Variants in FSCN2 observed in about 807,000 individuals in gnomAD.
FSCN2 encodes the protein fascin-2.
FSCN2 carries 46 observed loss-of-function variants against 37.8 expected under a neutral mutation model. That is an observed-to-expected ratio of 1.22 (90% CI 0.96 to 1.56). The LOEUF (loss-of-function observed/expected upper bound fraction) is 1.56. FSCN2 is among the 40% of genes most tolerant of loss of function. FSCN2 has a pLI of 0.00. For synonymous variants in FSCN2, 351 were observed against 309.4 expected (o/e 1.13, Z -1.41); for missense variants, 844 against 730.4 (o/e 1.16, Z -1.79).
intron 3 of FSCN2, 113 bp downstream of exon 3, chr17:81,536,380 G>A (rs973481508): frequency 8.2e-6 from 12 of 1,462,234 alleles, no homozygotes; most frequent in Middle Eastern, 2.1e-4. Context: ...CCCACGGAAC[G>A]GGTGCTGTCA....
At chr17:81,533,835 C>A (rs2032771807) in intron 1 of FSCN2, among the ~76,000 whole-genome samples, 1 of 152,164 alleles carries the variant, frequency 6.6e-6, no homozygotes, top group Admixed American at 6.5e-5. Flanking sequence ...ACTCTGGGGA[C>A]ACCAAAGTGC....
At chr17:81,535,736 C>A (rs1454729013) in intron 2 of FSCN2, among the ~76,000 whole-genome samples, 1 of 107,446 alleles carries the variant, frequency 9.3e-6, no homozygotes, top group South Asian at 3.6e-4. Context: ...CCATTTACAT[C>A]CCCATCCCCA....
At chr17:81,517,704 G>T in the FSCN2 span, among the ~76,000 whole-genome samples, 1 of 152,036 alleles carries the variant, frequency 6.6e-6, no homozygotes, top group Non-Finnish European at 1.5e-5. Context: ...CGCACGGAGT[G>T]GGGAGGGTCT....
At position 81,528,797 on chromosome 17, in the gene FSCN2, G is replaced by C; in HGVS notation, c.266G>C (p.Arg89Pro). Residue 89 changes from arginine (R) to proline (P), a missense_variant, in exon 1 of 5, where the codon CGC becomes CCC. Physicochemically the swap from Arg to Pro is moderately radical, Grantham distance 103. Transcript: ENST00000417245. Reference sequence around the variant, plus strand: ...GCAGAGCAGCCGGGCCGTGACTGCCGCTTCCTGGTCCTGCCGCAGCCAGAT... The same window carrying C: ...GCAGAGCAGCCGGGCCGTGACTGCCCCTTCCTGGTCCTGCCGCAGCCAGAT... ...CEAEQPGRDC[R>P]FLVLPQPDGR... 1 of 1,564,072 alleles carries C rather than the reference G, an allele frequency of 6.4e-7. No homozygotes were observed. The highest frequency in any genetic ancestry group is 8.6e-7 in the Non-Finnish European group (1 of 1,156,566).
chr17:81,532,495 T>C lies in FSCN2; in HGVS notation c.827-2557T>C, dbSNP rs538311948. 0.013 allele frequency among the ~76,000 whole-genome samples: 75 copies of C among 5,786 alleles called. 1 individual carries two copies. In the South Asian group the frequency reaches 0.28, roughly 22 times the overall value. 3.8% of individuals were successfully genotyped at this position (5,786 alleles called of 152,430 possible). A position where few individuals can be genotyped will look rare whatever the true frequency, so the allele number is the denominator to read the frequency against. On this transcript the variant is annotated intron_variant, in intron 1 of 4. Transcript: ENST00000417245. Reference sequence around the variant, plus strand: ...GTGGTGGTGATGATAGTGATGGTGATGATGGTGATGATAATGGTGACGATG... The same window carrying C: ...GTGGTGGTGATGATAGTGATGGTGACGATGGTGATGATAATGGTGACGATG...
At chr17:81,531,381 GTGGTGATGGTGATGA>G (rs2032576113) in intron 1 of FSCN2, among the ~76,000 whole-genome samples, 5 of 72,896 alleles carry the variant, frequency 6.9e-5, no homozygotes, top group Admixed American at 5.2e-4. Context: ...GGTGGTGATG[GTGGTGATGGTGATGA>G]TGGTGATGGT....
In FSCN2 at chr17:81,532,757, G is replaced by A. The variant is rs1191113316; in HGVS notation, c.827-2295G>A. 7.3e-3 allele frequency among the ~76,000 whole-genome samples: 990 copies of A among 135,158 alleles called. 13 individuals carry two copies. The highest frequency in any genetic ancestry group is 0.027 in the African/African-American group (945 of 34,616). 88.7% of individuals were successfully genotyped at this position (135,158 alleles called of 152,430 possible). The stretch of plus-strand genomic sequence containing the variant: ...TGATGGTGATGATGACAGTGATGAT[G>A]GTGATGGTGGTGATGGAGGGGTGCT... On this transcript the variant is annotated intron_variant, in intron 1 of 4. Transcript: ENST00000417245.
intron 3 of FSCN2, 95 bp downstream of exon 3, chr17:81,536,362 C>A: frequency 1.3e-6 from 2 of 1,482,772 alleles, no homozygotes; most frequent in South Asian, 1.2e-5. Flanking sequence ...GAGCTGGACC[C>A]TCCCCAGCCC....
At chr17:81,531,506 G>GATGGTT (rs2032598486) in intron 1 of FSCN2, among the ~76,000 whole-genome samples, 1 of 144,780 alleles carries the variant, frequency 6.9e-6, no homozygotes, top group African/African-American at 2.6e-5. Context: ...TGGTGATGGT[G>GATGGTT]GTGATGGTGA....
chr17:81,528,152 G>A (rs1165731815), upstream of FSCN2, among the ~76,000 whole-genome samples: 9 of 152,316 alleles, frequency 5.9e-5, no homozygotes, highest in South Asian at 6.2e-4. Context: ...GAAGAGGGGC[G>A]CTGGGCCCAC....
chr17:81,529,394 CTGGG>C, intron 1 of FSCN2, 37 bp downstream of exon 1: 2 of 1,466,756 alleles, frequency 1.4e-6, no homozygotes, highest in Non-Finnish European at 1.8e-6. Context: ...CTGAGGGGTG[CTGGG>C]ACCCCCCTGC....
chr17:81,517,857 T>C, the FSCN2 span, among the ~76,000 whole-genome samples: 1 of 151,318 alleles, frequency 6.6e-6, no homozygotes, highest in South Asian at 2.1e-4. Flanking sequence ...CGGTCACAGA[T>C]TGCAGGGGAG....
At chr17:81,531,995 G>GGTGGTGGTGATGGTA (rs1436445677) in intron 1 of FSCN2, among the ~76,000 whole-genome samples, 2 of 140,916 alleles carry the variant, frequency 1.4e-5, no homozygotes, top group Non-Finnish European at 3.0e-5. Flanking sequence ...TGATGGTGAT[G>GGTGGTGGTGATGGTA]GTGGTGGTGA....
In FSCN2 at chr17:81,536,210, G is replaced by A. The variant is rs779314198; in HGVS notation, c.1048G>A (p.Gly350Arg). Residue 350 changes from glycine to arginine, a missense_variant, in exon 3 of 5, where the codon GGG becomes AGG. Physicochemically the swap from Gly to Arg is moderately radical, Grantham distance 125. Coordinates refer to ENST00000417245, the MANE Select transcript of FSCN2 (RefSeq NM_012418.4). ...GCGGGTAGCACTCAAAGCCAGCAAC[G>A]GGCGCTACGTGTGCATGAAGAAGAA... ...GRRVALKASNGRYVCMKKNGQ... is the reference protein window; with the variant it reads ...GRRVALKASNRRYVCMKKNGQ... 78 of 1,600,782 alleles carry A rather than the reference G, an allele frequency of 4.9e-5. 1 individual carries two copies. The East Asian group carries it at 9.7e-4, about 20-fold the overall frequency.
At chr17:81,536,038 G>A (rs1568082623) in intron 2 of FSCN2, 108 bp from the exon 3 acceptor site, 5 of 1,380,430 alleles carry the variant, frequency 3.6e-6, no homozygotes, top group Middle Eastern at 1.9e-4. Context: ...TGTGTCAGTG[G>A]AGGGCAGGCT....
chr17:81,522,646 C>A, the FSCN2 span, among the ~76,000 whole-genome samples: 5 of 152,320 alleles, frequency 3.3e-5, no homozygotes, highest in African/African-American at 1.2e-4. Context: ...GTGGGCAGGG[C>A]GTATGTACAC....
chr17:81,525,907 G>T (rs997563862), upstream of FSCN2, among the ~76,000 whole-genome samples: 1 of 152,052 alleles, frequency 6.6e-6, no homozygotes, highest in Non-Finnish European at 1.5e-5. Context: ...CCCTGTAAAC[G>T]GCCTCCCTCC....
the FSCN2 span, among the ~76,000 whole-genome samples, chr17:81,520,369 G>C: frequency 4.6e-5 from 7 of 152,214 alleles, no homozygotes; most frequent in Non-Finnish European, 5.9e-5. Flanking sequence ...CACTTGGTCT[G>C]TGGGAGGGAA....
Position 81,536,145 on chromosome 17 carries a change from G to T in FSCN2, c.984-1G>T. 1.2e-6 allele frequency: 2 copies of T among 1,607,340 alleles called. No homozygotes were observed. Among genetic ancestry groups the T allele is most frequent in the Non-Finnish European group, 1.7e-6 (2 of 1,177,598 alleles). On this transcript the variant is annotated splice_acceptor_variant, in intron 2 of 4. Coordinates refer to ENST00000417245, the MANE Select transcript of FSCN2 (RefSeq NM_012418.4). LOFTEE classifies it high-confidence loss of function. ...AGGAGACCTTTTGCTGCTCCCTCCA[G>T]TTCTGCCAACACCATGTTTGAGATG... is the stretch of plus-strand genomic sequence containing the variant.
Sources: gnomAD v4.1 joint callset for allele counts (sites outside exome capture counted in the v4.1 genomes callset) on GRCh38, gnomAD v4.1.1 for gene constraint, MANE v1.5 for transcripts, NCBI Gene and HGNC (gene_info 2026-07-23, HGNC 2026-07-21) for gene names.